Variants in SLC25A31 observed in about 807,000 individuals in gnomAD.
SLC25A31 encodes the protein ADP/ATP translocase 4.
A neutral mutation model predicts 36.2 loss-of-function variants in SLC25A31; 40 were observed. The ratio of observed to expected loss-of-function variants is 1.10; its 90% CI spans 0.86 to 1.44. SLC25A31 has a LOEUF of 1.44. SLC25A31 is among the 40% of genes most tolerant of loss of function. The probability of loss-of-function intolerance (pLI) is 0.00; values close to 1 mark genes in which losing one functional copy is unlikely to be tolerated. For synonymous variants in SLC25A31, 143 were observed against 149.7 expected (o/e 0.96, Z 0.32); for missense variants, 350 against 397.1 (o/e 0.88, Z 1.01).
Position 127,772,521 on chromosome 4 carries a change from G to C in SLC25A31, c.760-865G>C, listed in dbSNP as rs184585709. ...AACTGGACTTTTTTTGTGCTGTTGT[G>C]TGTGTTTTCTATTTCCTTTATTTCT... On this transcript the variant is annotated intron_variant, in intron 5 of 5. Transcript: ENST00000281154. Among the ~76,000 whole-genome samples the C allele has an allele frequency of 3.8e-3, 584 of 152,068 alleles. 3 individuals carry two copies. The highest frequency in any genetic ancestry group is 0.013 in the African/African-American group (560 of 41,518).
At chr4:127,754,123 A>G (rs932485922) in intron 2 of SLC25A31, among the ~76,000 whole-genome samples, 1 of 152,132 alleles carries the variant, frequency 6.6e-6, no homozygotes, top group Non-Finnish European at 1.5e-5. Context: ...AAAACTCAGC[A>G]AGTTAGGCAT....
chr4:127,732,107 A>G (rs1263987155), intron 1 of SLC25A31, among the ~76,000 whole-genome samples: 1 of 152,334 alleles, frequency 6.6e-6, no homozygotes, highest in East Asian at 1.9e-4. Context: ...TAATCCACCC[A>G]TATAGTTGGA....
rs773317963 is a variant in SLC25A31 at position 127,768,772 on chromosome 4, G to GAA, written c.657_658dup (p.Thr220LysfsTer14). On this transcript the variant is annotated frameshift_variant, in exon 5 of 6. Coordinates refer to ENST00000281154, the MANE Select transcript of SLC25A31 (RefSeq NM_031291.4). LOFTEE classifies it high-confidence loss of function. Reference sequence around the variant, plus strand: ...TCTAGGGTTTATTACCAAAGCCAAAGAAAACTCCATTTCTTGTCTCCTTTT... The same window carrying GAA: ...TCTAGGGTTTATTACCAAAGCCAAAGAAAAAACTCCATTTCTTGTCTCCTTTT... 3.1e-6 allele frequency: 5 copies of GAA among 1,603,672 alleles called. No homozygotes were observed. The African/African-American group carries it at 6.7e-5, about 22-fold the overall frequency.
intron 5 of SLC25A31, among the ~76,000 whole-genome samples, chr4:127,771,839 T>C (rs1225899476): frequency 1.3e-5 from 2 of 152,262 alleles, no homozygotes; most frequent in Admixed American, 6.5e-5. Flanking sequence ...CTGTATCTGC[T>C]GAGATGATTA....
Position 127,764,302 on chromosome 4 carries a change from A to G in SLC25A31, c.420A>G (p.Leu140=). The G allele has an allele frequency of 3.1e-6, 5 of 1,614,108 alleles. No homozygotes were observed. Among genetic ancestry groups the G allele is most frequent in the Non-Finnish European group, 3.4e-6 (4 of 1,179,998 alleles). The change falls in exon 3 of 6, where the codon TTA becomes TTG. Residue 140 remains leucine (L), a synonymous_variant. Transcript: ENST00000281154. ...GTGGAGCTGCTGGGGCAACATCCTT[A>G]TGTGTAGTATATCCTCTAGATTTTG... ...ASGGAAGATS[L]CVVYPLDFAR...
chr4:127,755,202 T>C (rs1366926066), intron 2 of SLC25A31, among the ~76,000 whole-genome samples: 1 of 152,172 alleles, frequency 6.6e-6, no homozygotes, highest in African/African-American at 2.4e-5. Context: ...AAAAACTCCA[T>C]GACATTGGTC....
At chr4:127,747,934 GGTGCAAGTTTATAGTT>G (rs1731853930) in intron 2 of SLC25A31, among the ~76,000 whole-genome samples, 1 of 152,168 alleles carries the variant, frequency 6.6e-6, no homozygotes, top group South Asian at 2.1e-4. Context: ...AGAGAAACCA[GGTGCAAGTTTATAGTT>G]GTCCCATCCT....
intron 3 of SLC25A31, among the ~76,000 whole-genome samples, chr4:127,765,073 G>A (rs1732216267): frequency 6.6e-6 from 1 of 152,058 alleles, no homozygotes; most frequent in Non-Finnish European, 1.5e-5. Flanking sequence ...ATATCTTTAT[G>A]TGAGTCTTTT....
intron 2 of SLC25A31, among the ~76,000 whole-genome samples, chr4:127,756,952 T>G (rs1732042498): frequency 6.6e-6 from 1 of 152,134 alleles, no homozygotes; most frequent in African/African-American, 2.4e-5. Context: ...ATGTTTACAC[T>G]TTTGGGTGGG....
intron 1 of SLC25A31, among the ~76,000 whole-genome samples, chr4:127,737,483 A>G (rs1267609223): frequency 1.3e-5 from 2 of 152,218 alleles, no homozygotes; most frequent in Non-Finnish European, 2.9e-5. Flanking sequence ...GTTAGTTTCC[A>G]GATGTCTTTA....
chr4:127,751,063 A>G (rs1338678203), intron 2 of SLC25A31, among the ~76,000 whole-genome samples: 1 of 152,190 alleles, frequency 6.6e-6, no homozygotes, highest in Non-Finnish European at 1.5e-5. Context: ...ACAGAATTGG[A>G]AAAAACTACT....
intron 5 of SLC25A31, among the ~76,000 whole-genome samples, chr4:127,769,482 G>C (rs191160478): frequency 2.0e-5 from 3 of 152,296 alleles, no homozygotes; most frequent in Admixed American, 2.0e-4. Context: ...CAGGTGCTCA[G>C]CTGGTAAGTA....
At chr4:127,742,997 T>C (rs1731758958) in intron 1 of SLC25A31, among the ~76,000 whole-genome samples, 1 of 152,132 alleles carries the variant, frequency 6.6e-6, no homozygotes, top group South Asian at 2.1e-4. Flanking sequence ...TCATCTATTA[T>C]AATTTTAGAA....
intron 1 of SLC25A31, among the ~76,000 whole-genome samples, chr4:127,732,234 C>A (rs1731539760): frequency 6.6e-6 from 1 of 152,150 alleles, no homozygotes; most frequent in Admixed American, 6.5e-5. Flanking sequence ...TGTTCTAGGG[C>A]CAGATACTGT....
intron 1 of SLC25A31, 91 bp downstream of exon 1, chr4:127,730,868 G>C: frequency 8.2e-7 from 1 of 1,226,938 alleles, no homozygotes; most frequent in East Asian, 2.6e-5. Flanking sequence ...ATGATTGTGG[G>C]CCCCACAACC....
intron 2 of SLC25A31, among the ~76,000 whole-genome samples, chr4:127,751,828 T>C (rs948726176): frequency 4.6e-5 from 7 of 152,158 alleles, no homozygotes; most frequent in Non-Finnish European, 1.0e-4. Flanking sequence ...ATGCTCATCA[T>C]CACTGGCCAT....
chr4:127,771,895 C>A (rs1490513113), intron 5 of SLC25A31, among the ~76,000 whole-genome samples: 6 of 152,170 alleles, frequency 3.9e-5, no homozygotes, highest in Admixed American at 1.3e-4. Flanking sequence ...TTAAATTAAT[C>A]TGTTTTCTAG....
chr4:127,764,187 T>A, intron 2 of SLC25A31, 56 bp from the exon 3 acceptor site: 1 of 1,430,790 alleles, frequency 7.0e-7, no homozygotes, highest in Non-Finnish European at 9.7e-7. Flanking sequence ...TTACCAGGTA[T>A]TTTAAACAGT....
rs141890612 is a variant in SLC25A31 at position 127,754,490 on chromosome 4, C to G, written c.360+9691C>G. Among the ~76,000 whole-genome samples the G allele has an allele frequency of 4.7e-5, 7 of 149,562 alleles. No homozygotes were observed. The East Asian group carries it at 1.4e-3, about 29-fold the overall frequency. ...AAATTAGTCACATTTTACATACTAACAATGAATTCTTTTAACAAGAAATAA... is the reference window on the plus strand; with the variant it reads ...AAATTAGTCACATTTTACATACTAAGAATGAATTCTTTTAACAAGAAATAA... On this transcript the variant is annotated intron_variant, in intron 2 of 5. Coordinates refer to ENST00000281154, the MANE Select transcript of SLC25A31 (RefSeq NM_031291.4).
Sources: gnomAD v4.1 joint callset for allele counts (sites outside exome capture counted in the v4.1 genomes callset) on GRCh38, gnomAD v4.1.1 for gene constraint, MANE v1.5 for transcripts, NCBI Gene and HGNC (gene_info 2026-07-23, HGNC 2026-07-21) for gene names.